ADGRL2: variants seen among roughly 807,000 people sequenced by gnomAD.
The protein encoded by ADGRL2 is calcium-independent alpha-latrotoxin receptor 2.
In ADGRL2, 44 loss-of-function variants were observed where a neutral mutation model predicts 157.4. That is an observed-to-expected ratio of 0.28 (90% CI 0.22 to 0.36). The LOEUF is 0.36. ADGRL2 is among the 10% of genes least tolerant of loss of function. The pLI is 1.00. For synonymous variants in ADGRL2, 585 were observed against 624.7 expected, an observed-to-expected ratio of 0.94 and a Z score of 0.95; for missense variants, 1,510 against 1,768.9, an observed-to-expected ratio of 0.85 and a Z score of 2.63.
chr1:81,471,032 T>G (rs1024688363), intron 2 of ADGRL2, among the ~76,000 whole-genome samples: 11 of 152,202 alleles, frequency 7.2e-5, no homozygotes, highest in Admixed American at 2.0e-4. Flanking sequence ...TCCTCACTGG[T>G]AACAGCAAGG....
intron 1 of ADGRL2, among the ~76,000 whole-genome samples, chr1:81,315,317 C>A (rs1031049235): frequency 6.6e-6 from 1 of 151,842 alleles, no homozygotes; most frequent in Admixed American, 6.6e-5. Flanking sequence ...TAAGGGGTGA[C>A]CTGATTCTTT....
chr1:81,345,896 C>T (rs974315180), intron 1 of ADGRL2, among the ~76,000 whole-genome samples: 1 of 152,122 alleles, frequency 6.6e-6, no homozygotes, highest in Non-Finnish European at 1.5e-5. Context: ...AACTAAGTAC[C>T]ATTTCAAAAG....
At chr1:81,472,099 T>C (rs1467159776) in intron 2 of ADGRL2, among the ~76,000 whole-genome samples, 1 of 152,160 alleles carries the variant, frequency 6.6e-6, no homozygotes, top group Non-Finnish European at 1.5e-5. Flanking sequence ...TCCTTTGAAA[T>C]TAGGGAGTCA....
At chr1:81,401,761 C>T (rs1235381852) in intron 1 of ADGRL2, among the ~76,000 whole-genome samples, 3 of 152,174 alleles carry the variant, frequency 2.0e-5, no homozygotes, top group South Asian at 2.1e-4. Context: ...GATGCCTGTT[C>T]GAACTCACTG....
At chr1:81,725,454 A>G (rs1221387165) in intron 1 of ADGRL2, among the ~76,000 whole-genome samples, 2 of 151,472 alleles carry the variant, frequency 1.3e-5, no homozygotes, top group Non-Finnish European at 2.9e-5. Context: ...CAGGAGAGTT[A>G]TTTGAACTCG....
At chr1:81,984,827 A>G in intron 20 of ADGRL2, 116 bp downstream of exon 20, 1 of 1,187,242 alleles carries the variant, frequency 8.4e-7, no homozygotes, top group South Asian at 1.8e-5. Flanking sequence ...GATAGCAAAT[A>G]CTTGCTTTTT....
At chr1:81,981,571 CT>C (rs1224785595) in intron 18 of ADGRL2, among the ~76,000 whole-genome samples, 1 of 151,876 alleles carries the variant, frequency 6.6e-6, no homozygotes. Flanking sequence ...AGTTTTGATA[CT>C]TTGTTTATTC....
rs112857237 is a variant in ADGRL2, at chr1:81,765,360, G to C, written c.-101+3508G>C. 2.7e-3 allele frequency among the ~76,000 whole-genome samples: 408 copies of C among 151,888 alleles called. 7 individuals carry two copies. The South Asian group carries it at 0.039, about 15-fold the overall frequency. On this transcript the variant is annotated intron_variant, in intron 2 of 20. Coordinates refer to the ADGRL2 transcript ENST00000359929. ...GAAAAATGAACAAAATTAACCTCTT[G>C]TCTATAACCAAAATCAGGGGCAATG... is the stretch of plus-strand genomic sequence containing the variant.
At chr1:81,982,581 A>G (rs1274904394) in intron 19 of ADGRL2, among the ~76,000 whole-genome samples, 1 of 151,876 alleles carries the variant, frequency 6.6e-6, no homozygotes, top group Non-Finnish European at 1.5e-5. Context: ...AAATTTCCAT[A>G]CCTTTCACTG....
intron 3 of ADGRL2, among the ~76,000 whole-genome samples, chr1:81,611,872 G>T (rs867544215): frequency 1.3e-5 from 2 of 152,036 alleles, no homozygotes; most frequent in Non-Finnish European, 2.9e-5. Context: ...CCCCTATGCT[G>T]TTCTCGTGCT....
chr1:81,351,880 C>T (rs577593682), intron 1 of ADGRL2, among the ~76,000 whole-genome samples: 1 of 152,300 alleles, frequency 6.6e-6, no homozygotes, highest in African/African-American at 2.4e-5. Context: ...AGAGCGGCTC[C>T]CTTGTTCTAA....
chr1:81,632,437 G>A (rs1180241301), intron 3 of ADGRL2, among the ~76,000 whole-genome samples: 5 of 152,106 alleles, frequency 3.3e-5, no homozygotes, highest in Non-Finnish European at 7.4e-5. Context: ...GGCTCTGAGT[G>A]TGCAGCTTGG....
chr1:81,958,389 C>T (rs192621961), intron 11 of ADGRL2, among the ~76,000 whole-genome samples: 124 of 152,188 alleles, frequency 8.1e-4, no homozygotes, highest in Admixed American at 1.5e-3. Context: ...TTTCCTAGGA[C>T]TTGTCTTGTT....
chr1:81,669,829 G>A (rs906233636), intron 3 of ADGRL2, among the ~76,000 whole-genome samples: 1 of 151,568 alleles, frequency 6.6e-6, no homozygotes, highest in African/African-American at 2.4e-5. Flanking sequence ...CGTAGTCCCA[G>A]CTACTCAGGA....
chr1:81,984,290 AT>A (rs1662502303), intron 19 of ADGRL2: 2 of 192,868 alleles, frequency 1.0e-5, no homozygotes, highest in African/African-American at 4.6e-5. Context: ...CTATAAATAT[AT>A]TGCTATTATT....
chr1:81,332,786 AAG>A (rs989811170), intron 1 of ADGRL2, among the ~76,000 whole-genome samples: 2 of 152,234 alleles, frequency 1.3e-5, no homozygotes, highest in East Asian at 3.8e-4. Context: ...AAGTTTTAAA[AAG>A]AGAGAGGGAT....
intron 3 of ADGRL2, among the ~76,000 whole-genome samples, chr1:81,672,384 T>A (rs2082893867): frequency 6.6e-6 from 1 of 152,234 alleles, no homozygotes; most frequent in Admixed American, 6.5e-5. Context: ...ACTATTCAAG[T>A]TAACAGTGTC....
chr1:81,336,202 C>T (rs1447711912), intron 1 of ADGRL2, among the ~76,000 whole-genome samples: 3 of 152,180 alleles, frequency 2.0e-5, no homozygotes, highest in African/African-American at 4.8e-5. Context: ...TCTTTGCCTG[C>T]ACCACTCTGA....
At chr1:81,873,557 G>A (rs1156853390) in intron 2 of ADGRL2, among the ~76,000 whole-genome samples, 1 of 152,036 alleles carries the variant, frequency 6.6e-6, no homozygotes, top group Non-Finnish European at 1.5e-5. Context: ...AAGGTATATA[G>A]CATCAACCCA....
Sources: allele counts gnomAD v4.1 joint callset (sites outside exome capture counted in the v4.1 genomes callset), GRCh38; gene constraint gnomAD v4.1.1; transcripts MANE v1.5; gene names NCBI Gene and HGNC (gene_info 2026-07-23, HGNC 2026-07-21).